The following TMOD2 variants were observed in gnomAD, a reference collection of about 807,000 sequenced individuals.
The protein encoded by TMOD2 is tropomodulin 2.
Under a neutral mutation model 39.9 loss-of-function variants are expected in TMOD2, and 22 were observed. That is an observed-to-expected ratio of 0.55 (90% CI 0.39 to 0.79). TMOD2 has a LOEUF of 0.79. Ranked by LOEUF, TMOD2 falls within the 30% of genes least tolerant of loss-of-function variation. TMOD2 has a pLI of 0.00. For missense variants in TMOD2, 386 were observed against 413.3 expected, an observed-to-expected ratio of 0.93 and a Z score of 0.57; for synonymous variants, 123 against 146.1, an observed-to-expected ratio of 0.84 and a Z score of 1.14.
rs1471918653 is a variant in TMOD2 at position 51,808,548 on chromosome 15, C to T, written c.*94C>T. Reference sequence around the variant, plus strand: ...CCATCAGGACCATTTTATCAAAGTTCGTTCATTTCCGTTAACCACATAACT... The same window carrying T: ...CCATCAGGACCATTTTATCAAAGTTTGTTCATTTCCGTTAACCACATAACT... On this transcript the variant is annotated 3_prime_UTR_variant, in exon 10 of 10. Coordinates refer to ENST00000249700, the MANE Select transcript of TMOD2 (RefSeq NM_014548.4). 4 of 905,362 alleles carry T rather than the reference C, an allele frequency of 4.4e-6. No homozygotes were observed. Among genetic ancestry groups the T allele is most frequent in the Non-Finnish European group, 6.9e-6 (4 of 582,164 alleles). 56.1% of individuals were successfully genotyped at this position (905,362 alleles called of 1,614,324 possible). A position where few individuals can be genotyped will look rare whatever the true frequency, so the allele number is the denominator to read the frequency against.
At chr15:51,776,710 A>G (rs140771761) in intron 4 of TMOD2, among the ~76,000 whole-genome samples, 1 of 152,326 alleles carries the variant, frequency 6.6e-6, no homozygotes, top group East Asian at 1.9e-4. Flanking sequence ...AAATGATTCT[A>G]CATGTGGAGA....
intron 1 of TMOD2, among the ~76,000 whole-genome samples, chr15:51,761,675 A>AG (rs1435704925): frequency 6.6e-6 from 1 of 152,034 alleles, no homozygotes; most frequent in Admixed American, 6.6e-5. Context: ...TGGAGGCTGC[A>AG]GTTAGCTATG....
rs11318605 is a variant in TMOD2 at position 51,795,268 on chromosome 15, TA to T, written c.733-2921del. On this transcript the variant is annotated intron_variant, in intron 7 of 9. Transcript: ENST00000249700. ...AAACCCCGTCTCTACTACAAGTATA[TA>T]AAAAAAATTAGCCAGGCGTGGTGGC... Among the ~76,000 whole-genome samples the T allele has an allele frequency of 8.1e-3, 1,223 of 151,584 alleles. 21 individuals are homozygous for T. Among genetic ancestry groups the T allele is most frequent in the African/African-American group, 0.028 (1,149 of 41,350 alleles).
chr15:51,795,586 C>A (rs1483830255), intron 7 of TMOD2, among the ~76,000 whole-genome samples: 7 of 33,094 alleles, frequency 2.1e-4, no homozygotes, highest in African/African-American at 6.7e-4. Context: ...TGCTTTCTTT[C>A]TTTCTTTCTT....
chr15:51,799,519 A>G (rs1291013487), intron 8 of TMOD2, among the ~76,000 whole-genome samples: 1 of 129,030 alleles, frequency 7.8e-6, no homozygotes, highest in Non-Finnish European at 1.8e-5. Flanking sequence ...CCAGGGGAAC[A>G]CAGAAAGCCC....
At chr15:51,779,229 A>G (rs2055912807) in intron 5 of TMOD2, among the ~76,000 whole-genome samples, 1 of 152,206 alleles carries the variant, frequency 6.6e-6, no homozygotes, top group African/African-American at 2.4e-5. Flanking sequence ...TAGCTTCAGC[A>G]TCAAAGGGTA....
chr15:51,802,726 G>GAAACTCTGAGGTCAGC (rs1476840439), intron 8 of TMOD2, among the ~76,000 whole-genome samples: 1 of 152,190 alleles, frequency 6.6e-6, no homozygotes, highest in African/African-American at 2.4e-5. Context: ...AGTTGCTCAT[G>GAAACTCTGAGGTCAGC]AAACTCTGAG....
chr15:51,765,951 C>T (rs2055813650), intron 1 of TMOD2, among the ~76,000 whole-genome samples: 3 of 152,210 alleles, frequency 2.0e-5, no homozygotes, highest in Admixed American at 1.3e-4. Flanking sequence ...CTTACAACTG[C>T]CTTACAATTA....
At chr15:51,799,059 C>T (rs1010013101) in intron 8 of TMOD2, among the ~76,000 whole-genome samples, 1 of 152,194 alleles carries the variant, frequency 6.6e-6, no homozygotes, top group Non-Finnish European at 1.5e-5. Context: ...CAGTGCCTTC[C>T]GAGTTGCTCT....
At chr15:51,761,585 T>C (rs996481459) in intron 1 of TMOD2, among the ~76,000 whole-genome samples, 6 of 151,204 alleles carry the variant, frequency 4.0e-5, no homozygotes, top group Admixed American at 1.3e-4. Context: ...AAAAATTTAA[T>C]TAGCTGGGCA....
At chr15:51,766,236 G>A in intron 1 of TMOD2, 137 bp from the exon 2 acceptor site, 1 of 416,842 alleles carries the variant, frequency 2.4e-6, no homozygotes, top group Admixed American at 3.8e-5. Context: ...CTCTGCAAAT[G>A]AAGGGAATAT....
Position 51,816,360 on chromosome 15 carries a change from A to G in TMOD2, c.*7906A>G, listed in dbSNP as rs1012309394. 41 of 152,250 alleles carry G rather than the reference A, an allele frequency of 2.7e-4. No homozygotes were observed. Among genetic ancestry groups the G allele is most frequent in the Non-Finnish European group, 4.1e-4 (28 of 68,042 alleles). The allele number at this position is 152,250 out of a possible 1,614,324, so 9.4% of individuals were successfully genotyped here. On this transcript the variant is annotated 3_prime_UTR_variant, in exon 10 of 10. Coordinates refer to ENST00000249700, the MANE Select transcript of TMOD2 (RefSeq NM_014548.4). Reference sequence around the variant, plus strand: ...AAATAATAAACTTTCCTTTCAAAGTAAAAGTAAAGACTGGTTTTATATGGC... The same window carrying G: ...AAATAATAAACTTTCCTTTCAAAGTGAAAGTAAAGACTGGTTTTATATGGC...
intron 7 of TMOD2, among the ~76,000 whole-genome samples, chr15:51,788,648 A>T (rs1296332166): frequency 2.0e-5 from 3 of 152,236 alleles, no homozygotes; most frequent in Non-Finnish European, 4.4e-5. Flanking sequence ...GCACAAAGGG[A>T]AGTCCATCAG....
intron 7 of TMOD2, among the ~76,000 whole-genome samples, chr15:51,787,326 C>G (rs1373860893): frequency 6.6e-6 from 1 of 152,158 alleles, no homozygotes; most frequent in Non-Finnish European, 1.5e-5. Flanking sequence ...TCTATGCTCA[C>G]AGTGTAAACA....
At position 51,809,579 on chromosome 15, in the gene TMOD2, C is replaced by T. The variant is rs1052654442; in HGVS notation, c.*1125C>T. 6 of 152,190 alleles carry T rather than the reference C, an allele frequency of 3.9e-5. No homozygotes were observed. Among genetic ancestry groups the T allele is most frequent in the African/African-American group, 1.4e-4 (6 of 41,438 alleles). 9.4% of individuals were successfully genotyped at this position (152,190 alleles called of 1,614,324 possible). ...TGCATTGTAGTATGCATTAATCTTT[C>T]AATGTAGTGGTGTAAAAATGCAGTG... On this transcript the variant is annotated 3_prime_UTR_variant, in exon 10 of 10. Coordinates refer to ENST00000249700, the MANE Select transcript of TMOD2 (RefSeq NM_014548.4).
chr15:51,787,073 C>T (rs1378391314), intron 7 of TMOD2, among the ~76,000 whole-genome samples: 2 of 152,212 alleles, frequency 1.3e-5, no homozygotes, highest in African/African-American at 4.8e-5. Flanking sequence ...CCTTTCCTAG[C>T]CAAGAGAAGC....
intron 1 of TMOD2, among the ~76,000 whole-genome samples, chr15:51,755,946 C>T (rs756535534): frequency 1.3e-5 from 2 of 151,964 alleles, no homozygotes; most frequent in Admixed American, 6.6e-5. Context: ...TTAGAAGAAG[C>T]CCATAAGTTC....
rs2055939788 is a variant in TMOD2 at position 51,782,750 on chromosome 15, T to C, written c.654T>C (p.Phe218=). Reference sequence around the variant, plus strand: ...TTCCAATTCCAACCCTGAGGGAATTTGCAAAGGCTCTGGAGACCAACACTC... The same window carrying C: ...TTCCAATTCCAACCCTGAGGGAATTCGCAAAGGCTCTGGAGACCAACACTC... The part of the protein sequence containing the change: ...KNIPIPTLRE[F]AKALETNTHV... The change falls in exon 7 of 10, where the codon TTT becomes TTC. Residue 218 remains phenylalanine (F), a synonymous_variant. Coordinates refer to ENST00000249700, the MANE Select transcript of TMOD2 (RefSeq NM_014548.4). 6.2e-7 allele frequency: 1 copy of C among 1,613,908 alleles called. No homozygotes were observed. Among genetic ancestry groups the C allele is most frequent in the Non-Finnish European group, 8.5e-7 (1 of 1,179,888 alleles).
At chr15:51,801,434 G>A (rs1481365029) in intron 8 of TMOD2, among the ~76,000 whole-genome samples, 1 of 152,194 alleles carries the variant, frequency 6.6e-6, no homozygotes, top group Non-Finnish European at 1.5e-5. Context: ...TAGACTGTTA[G>A]AAGTAACCTC....
Sources: gnomAD v4.1 joint callset for allele counts (sites outside exome capture counted in the v4.1 genomes callset) on GRCh38, gnomAD v4.1.1 for gene constraint, MANE v1.5 for transcripts, NCBI Gene and HGNC (gene_info 2026-07-23, HGNC 2026-07-21) for gene names.